The following RPTOR variants were observed in gnomAD, a reference collection of about 807,000 sequenced individuals.
The protein encoded by RPTOR is regulatory associated protein of MTOR complex 1.
RPTOR carries 21 observed loss-of-function variants against 169.9 expected under a neutral mutation model. The observed-to-expected ratio is 0.12, with a 90% confidence interval of 0.09 to 0.18. The LOEUF (loss-of-function observed/expected upper bound fraction) is 0.18. Ranked by LOEUF, RPTOR falls within the 10% of genes least tolerant of loss-of-function variation. The pLI is 1.00. For missense variants in RPTOR, 1,133 were observed against 1,855.9 expected (o/e 0.61, Z 7.16); for synonymous variants, 732 against 753.2 (o/e 0.97, Z 0.46).
intron 20 of RPTOR, among the ~76,000 whole-genome samples, chr17:80,905,383 A>C (rs1049514022): frequency 3.3e-5 from 5 of 151,602 alleles, no homozygotes; most frequent in Non-Finnish European, 7.4e-5. Flanking sequence ...TCAGGAGATC[A>C]AGACCATCCT....
At chr17:80,717,871 A>G (rs1350379909) in intron 4 of RPTOR, among the ~76,000 whole-genome samples, 1 of 152,192 alleles carries the variant, frequency 6.6e-6, no homozygotes, top group Non-Finnish European at 1.5e-5. Flanking sequence ...TCTGTGTTTC[A>G]GGCAATTAGG....
intron 28 of RPTOR, among the ~76,000 whole-genome samples, chr17:80,954,336 G>C (rs1331798276): frequency 6.6e-6 from 1 of 152,036 alleles, no homozygotes; most frequent in Non-Finnish European, 1.5e-5. Context: ...TGGCCAGGCT[G>C]GTCTCGAACT....
At chr17:80,948,098 C>G (rs937807759) in intron 27 of RPTOR, among the ~76,000 whole-genome samples, 1 of 152,206 alleles carries the variant, frequency 6.6e-6, no homozygotes, top group African/African-American at 2.4e-5. Context: ...GACTAGAGAG[C>G]GCTGGGCGGG....
At chr17:80,553,295 A>G (rs1568300056) in intron 1 of RPTOR, among the ~76,000 whole-genome samples, 1 of 152,184 alleles carries the variant, frequency 6.6e-6, no homozygotes, top group Admixed American at 6.5e-5. Flanking sequence ...TGCTGCCTTC[A>G]TGGACGCAGC....
intron 1 of RPTOR, among the ~76,000 whole-genome samples, chr17:80,558,711 C>T (rs2084441510): frequency 6.6e-6 from 1 of 152,132 alleles, no homozygotes; most frequent in Non-Finnish European, 1.5e-5. Flanking sequence ...TACGTAAGCA[C>T]AGTGCAGTTG....
chr17:80,878,584 G>A lies in RPTOR; in HGVS notation c.1510-1831G>A, dbSNP rs2068149093. Among the ~76,000 whole-genome samples, 1 of 152,032 alleles carries A rather than the reference G, an allele frequency of 6.6e-6. No homozygotes were observed. Among genetic ancestry groups the A allele is most frequent in the African/African-American group, 2.4e-5 (1 of 41,378 alleles). On this transcript the variant is annotated intron_variant, in intron 13 of 33. Transcript: ENST00000306801. This position sits in a 1 kb window ranked among gnomAD's most constrained non-coding sequence, Gnocchi z 4.1. ...GCTGGTCTCGAACTCCTGACCTTGT[G>A]ACCCGCCTGTCTCAGCCTCCCAAAG...
At chr17:80,549,094 C>A (rs901181113) in intron 1 of RPTOR, among the ~76,000 whole-genome samples, 1 of 152,212 alleles carries the variant, frequency 6.6e-6, no homozygotes, top group Admixed American at 6.5e-5. Flanking sequence ...TGCCCGCTCT[C>A]AGTTGGGATT....
chr17:80,561,575 G>GCATGTGCCAC (rs1302506360), intron 1 of RPTOR, among the ~76,000 whole-genome samples: 1 of 151,914 alleles, frequency 6.6e-6, no homozygotes, highest in Non-Finnish European at 1.5e-5. Context: ...GGGACTACAG[G>GCATGTGCCAC]CATGTGCCAC....
rs562303876 is a variant in RPTOR at position 80,829,326 on chromosome 17, G to A, written c.1136+6103G>A. 1.1e-3 allele frequency among the ~76,000 whole-genome samples: 172 copies of A among 152,316 alleles called. 2 individuals are homozygous for A. The highest frequency in any genetic ancestry group is 6.9e-4 in the Non-Finnish European group (47 of 68,016). ...AGACGGGGCTGGTGTCCAGGAGGGCGCGGGCATGGGTAGGGCAGCGCCCGG... is the reference window on the plus strand; with the variant it reads ...AGACGGGGCTGGTGTCCAGGAGGGCACGGGCATGGGTAGGGCAGCGCCCGG... On this transcript the variant is annotated intron_variant, in intron 9 of 33. Coordinates refer to ENST00000306801, the MANE Select transcript of RPTOR (RefSeq NM_020761.3).
At chr17:80,548,372 T>G (rs1358012152) in intron 1 of RPTOR, among the ~76,000 whole-genome samples, 3 of 26,576 alleles carry the variant, frequency 1.1e-4, no homozygotes, top group Non-Finnish European at 3.3e-4. Context: ...CCTGGGGTGG[T>G]TTTTTTTTTT....
rs543475375 is a variant in RPTOR at position 80,875,806 on chromosome 17, C to T, written c.1510-4609C>T. Among the ~76,000 whole-genome samples the T allele has an allele frequency of 3.6e-4, 51 of 143,396 alleles. 1 individual carries two copies. In the South Asian group the frequency reaches 9.1e-3, roughly 26 times the overall value. 94.1% of individuals were successfully genotyped at this position (143,396 alleles called of 152,430 possible). The stretch of plus-strand genomic sequence containing the variant: ...CACGCAGGGTGTGTGTGTCGCCTGC[C>T]GGGTCTTCCCACCGAGCCCGTGCCG... On this transcript the variant is annotated intron_variant, in intron 13 of 33. Transcript: ENST00000306801.
intron 3 of RPTOR, among the ~76,000 whole-genome samples, chr17:80,673,410 C>T (rs771569818): frequency 1.3e-5 from 2 of 152,182 alleles, no homozygotes; most frequent in Non-Finnish European, 2.9e-5. Context: ...AGCAGGAGCA[C>T]TGTTATCACT....
intron 7 of RPTOR, among the ~76,000 whole-genome samples, chr17:80,806,667 G>A (rs1181298827): frequency 1.1e-4 from 16 of 152,162 alleles, no homozygotes; most frequent in African/African-American, 3.9e-4. Flanking sequence ...TGAATACTTA[G>A]TCGTTTTCCA....
At chr17:80,555,092 G>A (rs1294374934) in intron 1 of RPTOR, among the ~76,000 whole-genome samples, 1 of 152,128 alleles carries the variant, frequency 6.6e-6, no homozygotes, top group Non-Finnish European at 1.5e-5. Context: ...GCTGCCAGAT[G>A]TTTGAGAGTT....
chr17:80,662,955 C>G (rs945472602), intron 3 of RPTOR, among the ~76,000 whole-genome samples: 1 of 152,176 alleles, frequency 6.6e-6, no homozygotes, highest in Non-Finnish European at 1.5e-5. Flanking sequence ...TGAGGGCAGC[C>G]GCCTGTGAGG....
intron 17 of RPTOR, among the ~76,000 whole-genome samples, 183 bp downstream of exon 17, chr17:80,885,331 G>C (rs917166974): frequency 6.6e-6 from 1 of 152,236 alleles, no homozygotes; most frequent in African/African-American, 2.4e-5. Context: ...AGACACCCAT[G>C]GGTTTGCTTC....
intron 2 of RPTOR, among the ~76,000 whole-genome samples, chr17:80,627,160 T>C (rs992301089): frequency 3.3e-5 from 5 of 152,198 alleles, no homozygotes; most frequent in Non-Finnish European, 2.9e-5. Flanking sequence ...ACTGGACTTA[T>C]AGGCACCTGC....
intron 2 of RPTOR, among the ~76,000 whole-genome samples, chr17:80,635,616 ACCCAGGGGAGGT>A (rs1361409411): frequency 6.6e-6 from 1 of 152,050 alleles, no homozygotes; most frequent in Non-Finnish European, 1.5e-5. Context: ...AGACTAGAGG[ACCCAGGGGAGGT>A]CAGCGCCTAG....
At chr17:80,558,411 C>G (rs555666350) in intron 1 of RPTOR, among the ~76,000 whole-genome samples, 3 of 152,204 alleles carry the variant, frequency 2.0e-5, no homozygotes, top group African/African-American at 4.8e-5. Flanking sequence ...AGACAGTCGC[C>G]GAGAACAAGT....
Sources: allele counts gnomAD v4.1 joint callset (sites outside exome capture counted in the v4.1 genomes callset), GRCh38; gene constraint gnomAD v4.1.1; non-coding constraint Gnocchi (gnomAD v3.1); transcripts MANE v1.5; gene names NCBI Gene and HGNC (gene_info 2026-07-23, HGNC 2026-07-21).